PRKCA: variants seen among roughly 807,000 people sequenced by gnomAD.
The protein encoded by PRKCA is protein kinase C alpha.
Under a neutral mutation model 87.0 loss-of-function variants are expected in PRKCA, and 27 were observed. That is an observed-to-expected ratio of 0.31 (90% CI 0.23 to 0.43). The LOEUF is 0.43. Ranked by LOEUF, PRKCA falls within the 20% of genes least tolerant of loss-of-function variation. PRKCA has a pLI of 1.00. For synonymous variants in PRKCA, 329 were observed against 311.1 expected, an observed-to-expected ratio of 1.06 and a Z score of -0.61; for missense variants, 518 against 852.3, an observed-to-expected ratio of 0.61 and a Z score of 4.88.
intron 13 of PRKCA, among the ~76,000 whole-genome samples, chr17:66,765,426 A>ATATATATATCTATATATCTATATC (rs1974781885): frequency 8.0e-6 from 1 of 124,326 alleles, no homozygotes; most frequent in Non-Finnish European, 1.7e-5. Flanking sequence ...GTCTATATAT[A>ATATATATATCTATATATCTATATC]TATATATATA....
rs140499631 is a variant in PRKCA at position 66,450,662 on chromosome 17, A to G, written c.206-45539A>G. The stretch of plus-strand genomic sequence containing the variant: ...ATTACCGGATGACTTTCATCCACAC[A>G]CTTAACACTCTCTTTGCAGGGACAG... On this transcript the variant is annotated intron_variant, in intron 2 of 16. Coordinates refer to ENST00000413366, the MANE Select transcript of PRKCA (RefSeq NM_002737.3). Among the ~76,000 whole-genome samples the G allele has an allele frequency of 8.6e-3, 1,308 of 152,308 alleles. 8 individuals carry two copies. The highest frequency in any genetic ancestry group is 0.022 in the African/African-American group (917 of 41,566).
intron 3 of PRKCA, among the ~76,000 whole-genome samples, chr17:66,596,230 T>A (rs1969972368): frequency 1.3e-5 from 2 of 152,230 alleles, no homozygotes; most frequent in Non-Finnish European, 2.9e-5. Flanking sequence ...TCTGGCGTAT[T>A]TACCGCTTTG....
chr17:66,664,320 G>T (rs1420189844), intron 5 of PRKCA, among the ~76,000 whole-genome samples: 4 of 152,156 alleles, frequency 2.6e-5, no homozygotes. Context: ...CTGTGGCCTG[G>T]GCTGCCCTGC....
At chr17:66,451,216 A>T (rs906326064) in intron 2 of PRKCA, among the ~76,000 whole-genome samples, 1 of 152,232 alleles carries the variant, frequency 6.6e-6, no homozygotes, top group Non-Finnish European at 1.5e-5. Flanking sequence ...GTGAAGCCAC[A>T]TATTAAATCC....
intron 2 of PRKCA, among the ~76,000 whole-genome samples, chr17:66,350,842 G>A (rs559132210): frequency 5.9e-5 from 9 of 152,258 alleles, no homozygotes; most frequent in South Asian, 4.2e-4. Flanking sequence ...AGTTTTTGAC[G>A]GTCCCTAGCC....
Position 66,496,264 on chromosome 17 carries a change from A to T in PRKCA, c.269A>T (p.Asp90Val). 4 of 1,613,858 alleles carry T rather than the reference A, an allele frequency of 2.5e-6. No homozygotes were observed. Among genetic ancestry groups the T allele is most frequent in the Non-Finnish European group, 3.4e-6 (4 of 1,179,762 alleles). Reference sequence around the variant, plus strand: ...GTTACTTTTTCTTGTCCGGGTGCGGATAAGGGACCCGACACTGATGTAAGT... The same window carrying T: ...GTTACTTTTTCTTGTCCGGGTGCGGTTAAGGGACCCGACACTGATGTAAGT... ...EFVTFSCPGA[D>V]KGPDTDDPRS... Residue 90 changes from aspartate to valine, a missense_variant, in exon 3 of 17, where the codon GAT (aspartate) becomes GTT (valine). Physicochemically the swap from Asp to Val is radical, Grantham distance 152. This residue lies in a region of PRKCA where 300 missense variants were observed against 496.8 expected (regional missense o/e 0.60). Coordinates refer to ENST00000413366, the MANE Select transcript of PRKCA (RefSeq NM_002737.3).
Position 66,305,194 on chromosome 17 carries a change from G to A in PRKCA, c.174-902G>A, listed in dbSNP as rs113441166. Among the ~76,000 whole-genome samples, 537 of 152,078 alleles carry A rather than the reference G, an allele frequency of 3.5e-3. 1 individual carries two copies. The highest frequency in any genetic ancestry group is 0.012 in the African/African-American group (513 of 41,464). ...TTTGCTTTCATTATTGCTTCTACGG[G>A]GTCCTTGATTTACACGTTTATTTCA... On this transcript the variant is annotated intron_variant, in intron 1 of 16. Transcript: ENST00000413366.
At chr17:66,322,769 C>G (rs1279019571) in intron 2 of PRKCA, among the ~76,000 whole-genome samples, 5 of 151,920 alleles carry the variant, frequency 3.3e-5, no homozygotes, top group Non-Finnish European at 7.4e-5. Context: ...CTGCACCTGG[C>G]TAGCTTTGGA....
intron 2 of PRKCA, among the ~76,000 whole-genome samples, chr17:66,349,992 G>A (rs1368025738): frequency 1.3e-5 from 2 of 152,050 alleles, no homozygotes; most frequent in Non-Finnish European, 2.9e-5. Flanking sequence ...AGGAGCCGGC[G>A]TGTGTGGGGA....
At chr17:66,593,126 A>G (rs1173150272) in intron 3 of PRKCA, among the ~76,000 whole-genome samples, 1 of 152,200 alleles carries the variant, frequency 6.6e-6, no homozygotes, top group Non-Finnish European at 1.5e-5. Flanking sequence ...ATTTATTTAG[A>G]GTTTAAATGT....
At chr17:66,781,887 AGTGTGTGTGTGT>A (rs749824745) in intron 14 of PRKCA, among the ~76,000 whole-genome samples, 3 of 125,548 alleles carry the variant, frequency 2.4e-5, no homozygotes, top group South Asian at 2.5e-4. Flanking sequence ...ATATATATAT[AGTGTGTGTGTGT>A]GTGTGTGTGT....
chr17:66,437,733 A>AG (rs1567828446), intron 2 of PRKCA, among the ~76,000 whole-genome samples: 2 of 3,768 alleles, frequency 5.3e-4, no homozygotes, highest in African/African-American at 1.1e-3. Context: ...TTTTTTTTTG[A>AG]GCGGGGGGTG....
intron 3 of PRKCA, chr17:66,554,537 C>T: frequency 1.0e-6 from 1 of 964,632 alleles, no homozygotes; most frequent in African/African-American, 1.8e-5. Flanking sequence ...CCCTGTATTG[C>T]TAGTCTGCCT....
chr17:66,684,122 C>T (rs958334728), intron 5 of PRKCA, among the ~76,000 whole-genome samples: 2 of 152,134 alleles, frequency 1.3e-5, no homozygotes, highest in East Asian at 1.9e-4. Flanking sequence ...CTGTTTTCCC[C>T]GGCATTTGCT....
intron 3 of PRKCA, among the ~76,000 whole-genome samples, chr17:66,593,187 A>G (rs541270714): frequency 2.4e-4 from 37 of 152,338 alleles, no homozygotes; most frequent in African/African-American, 8.7e-4. Flanking sequence ...TAATAAAGAC[A>G]TATGAAATTA....
chr17:66,775,758 G>T (rs61762774), intron 14 of PRKCA: 32 of 985,078 alleles, frequency 3.2e-5, no homozygotes, highest in Middle Eastern at 5.2e-4. Flanking sequence ...CACTCACCAC[G>T]TATTTATTCA....
intron 8 of PRKCA, among the ~76,000 whole-genome samples, chr17:66,705,691 G>A (rs150873645): frequency 2.6e-5 from 4 of 152,128 alleles, no homozygotes; most frequent in Non-Finnish European, 5.9e-5. Flanking sequence ...ACCCACAGGG[G>A]ATGAGCAGGT....
chr17:66,500,180 C>T (rs1244169934), intron 3 of PRKCA, among the ~76,000 whole-genome samples: 2 of 152,190 alleles, frequency 1.3e-5, no homozygotes, highest in Admixed American at 1.3e-4. Context: ...GTGCCAGATA[C>T]AGAATCTGCT....
At chr17:66,448,409 T>C (rs779896289) in intron 2 of PRKCA, among the ~76,000 whole-genome samples, 2 of 152,178 alleles carry the variant, frequency 1.3e-5, no homozygotes, top group African/African-American at 4.8e-5. Context: ...TGTGTCGTTT[T>C]GGCTGCGTTA....
Sources: allele counts gnomAD v4.1 joint callset (sites outside exome capture counted in the v4.1 genomes callset), GRCh38; gene constraint gnomAD v4.1.1; regional missense constraint gnomAD v4.1.1; transcripts MANE v1.5; gene names NCBI Gene and HGNC (gene_info 2026-07-23, HGNC 2026-07-21).